MAGI3: variants seen among roughly 807,000 people sequenced by gnomAD.
MAGI3 encodes the protein membrane-associated guanylate kinase, WW and PDZ domain-containing protein 3.
Under a neutral mutation model 121.8 loss-of-function variants are expected in MAGI3, and 43 were observed. The observed-to-expected ratio is 0.35, with a 90% CI of 0.28 to 0.46. MAGI3 has a LOEUF of 0.46. Ranked by LOEUF, MAGI3 falls within the 20% of genes least tolerant of loss-of-function variation. The probability of loss-of-function intolerance (pLI) is 1.00; values close to 1 mark genes in which losing one functional copy is unlikely to be tolerated. For missense variants in MAGI3, 1,547 were observed against 1,797.3 expected (o/e 0.86, Z 2.52); for synonymous variants, 553 against 639.3 (o/e 0.86, Z 2.04).
rs75732098 is a variant in MAGI3 at position 113,493,672 on chromosome 1, T to G, written c.317-55843T>G. Among the ~76,000 whole-genome samples the G allele has an allele frequency of 5.9e-5, 9 of 151,878 alleles. No individual in the cohort carries two copies. In the East Asian group the frequency reaches 1.5e-3, roughly 26 times the overall value. ...TCTAGCATCTGTAATGAACTTCGAT[T>G]TACAAGAAAAAGCAACCCCATTAAA... On this transcript the variant is annotated intron_variant, in intron 1 of 20. Transcript: ENST00000307546.
intron 6 of MAGI3, among the ~76,000 whole-genome samples, chr1:113,603,174 A>G (rs114773850): frequency 0.016 from 2,473 of 152,298 alleles, 77 homozygotes; most frequent in African/African-American, 0.056. Flanking sequence ...ACGGAAATAC[A>G]AAAGATAATT....
chr1:113,663,181 C>T (rs1216321173), intron 16 of MAGI3, among the ~76,000 whole-genome samples: 6 of 151,500 alleles, frequency 4.0e-5, no homozygotes, highest in South Asian at 2.1e-4. Context: ...GCTGAGATTG[C>T]GCCATTGCAC....
At chr1:113,641,048 T>A (rs1252357001) in intron 9 of MAGI3, among the ~76,000 whole-genome samples, 1 of 107,808 alleles carries the variant, frequency 9.3e-6, no homozygotes, top group African/African-American at 4.1e-5. Flanking sequence ...ATAATATATA[T>A]GATATATTAT....
intron 19 of MAGI3, among the ~76,000 whole-genome samples, chr1:113,677,119 C>T (rs959071938): frequency 6.6e-6 from 1 of 151,856 alleles, no homozygotes; most frequent in Non-Finnish European, 1.5e-5. Context: ...TCCTTTCGGT[C>T]TGGTTAAGAT....
intron 1 of MAGI3, among the ~76,000 whole-genome samples, chr1:113,477,376 T>C (rs1474150623): frequency 6.6e-6 from 1 of 152,198 alleles, no homozygotes; most frequent in African/African-American, 2.4e-5. Flanking sequence ...GGTTGTTTCT[T>C]TCCATGTTTA....
intron 1 of MAGI3, among the ~76,000 whole-genome samples, chr1:113,527,047 A>G (rs189071813): frequency 1.6e-4 from 24 of 152,314 alleles, no homozygotes; most frequent in Non-Finnish European, 2.8e-4. Context: ...GAATTAATAT[A>G]TGTACAGAAT....
intron 1 of MAGI3, among the ~76,000 whole-genome samples, chr1:113,414,131 A>G (rs1652166268): frequency 6.6e-6 from 1 of 152,128 alleles, no homozygotes; most frequent in South Asian, 2.1e-4. Flanking sequence ...ATCTATTGAG[A>G]TAATCATGTG....
Position 113,578,634 on chromosome 1 carries a change from G to T in MAGI3, c.434-1908G>T, listed in dbSNP as rs1647809929. 2.6e-5 allele frequency among the ~76,000 whole-genome samples: 4 copies of T among 152,148 alleles called. No homozygotes were observed. In the South Asian group the frequency reaches 8.3e-4, roughly 32 times the overall value. ...GACGAGGTCTTACTATGTTGCCCAG[G>T]CTTGAGTTAATGTCTAATGTTAACT... On this transcript the variant is annotated intron_variant, in intron 2 of 20. Transcript: ENST00000307546.
At chr1:113,617,015 C>G (rs557420039) in intron 7 of MAGI3, among the ~76,000 whole-genome samples, 2 of 152,020 alleles carry the variant, frequency 1.3e-5, no homozygotes, top group African/African-American at 2.4e-5. Flanking sequence ...CTCAGCCCCC[C>G]AGTAGCTGAG....
intron 14 of MAGI3, 114 bp from the exon 15 acceptor site, chr1:113,653,716 T>C (rs1653309140): frequency 2.2e-6 from 2 of 907,356 alleles, no homozygotes; most frequent in South Asian, 2.1e-5. Context: ...TGCTTTTCTA[T>C]TCTTTATGTT....
intron 3 of MAGI3, among the ~76,000 whole-genome samples, chr1:113,584,059 T>C (rs1648212196): frequency 6.6e-6 from 1 of 152,154 alleles, no homozygotes; most frequent in African/African-American, 2.4e-5. Flanking sequence ...TATGCTATTT[T>C]CTATCTAGGA....
intron 1 of MAGI3, among the ~76,000 whole-genome samples, chr1:113,537,294 A>G (rs899213438): frequency 3.3e-5 from 5 of 152,176 alleles, no homozygotes; most frequent in African/African-American, 1.2e-4. Context: ...TGTTGGGAGC[A>G]GGCATGGTGG....
intron 2 of MAGI3, among the ~76,000 whole-genome samples, chr1:113,550,131 C>G (rs1437971535): frequency 4.8e-5 from 7 of 145,354 alleles, no homozygotes; most frequent in Non-Finnish European, 3.0e-5. Flanking sequence ...AAAAAAAAGG[C>G]CGGGCGCGGT....
intron 19 of MAGI3, among the ~76,000 whole-genome samples, chr1:113,676,264 G>C (rs1293145547): frequency 6.6e-6 from 1 of 152,154 alleles, no homozygotes; most frequent in Non-Finnish European, 1.5e-5. Context: ...GCAAAGTCTA[G>C]TTCTAAACAT....
intron 1 of MAGI3, among the ~76,000 whole-genome samples, chr1:113,414,268 G>C (rs986816951): frequency 3.9e-5 from 6 of 152,158 alleles, no homozygotes; most frequent in Non-Finnish European, 7.3e-5. Context: ...TGTGCTGCTG[G>C]ATTCGTTTTG....
At chr1:113,531,314 C>CA (rs1208788566) in intron 1 of MAGI3, among the ~76,000 whole-genome samples, 2 of 152,240 alleles carry the variant, frequency 1.3e-5, no homozygotes, top group East Asian at 3.9e-4. Flanking sequence ...TTATCACTGA[C>CA]ATTGTTTAGA....
At chr1:113,661,220 A>G (rs1175101094) in intron 16 of MAGI3, among the ~76,000 whole-genome samples, 2 of 152,190 alleles carry the variant, frequency 1.3e-5, no homozygotes, top group East Asian at 1.9e-4. Flanking sequence ...CTCATCTAAT[A>G]TCATTATTTT....
intron 1 of MAGI3, among the ~76,000 whole-genome samples, chr1:113,453,077 G>A (rs1417598021): frequency 6.6e-6 from 1 of 152,160 alleles, no homozygotes; most frequent in Admixed American, 6.5e-5. Context: ...TTCTTCATGG[G>A]AAAGCAGACC....
chr1:113,629,467 A>G (rs1226827529), intron 9 of MAGI3, among the ~76,000 whole-genome samples: 2 of 152,024 alleles, frequency 1.3e-5, no homozygotes, highest in Admixed American at 1.3e-4. Context: ...GTTTTCCTGG[A>G]TGGTCTTGAT....
Sources: gnomAD v4.1 joint callset for allele counts (sites outside exome capture counted in the v4.1 genomes callset) on GRCh38, gnomAD v4.1.1 for gene constraint, MANE v1.5 for transcripts, NCBI Gene and HGNC (gene_info 2026-07-23, HGNC 2026-07-21) for gene names.